The following MCTP2 variants were observed in gnomAD, a reference collection of about 807,000 sequenced individuals.
MCTP2 encodes the protein multiple C2 and transmembrane domain containing 2.
In MCTP2, 132 loss-of-function variants were observed where a neutral mutation model predicts 111.6. That is an observed-to-expected ratio of 1.18 (90% CI 1.03 to 1.37). The LOEUF (loss-of-function observed/expected upper bound fraction) is 1.37. Ranked by LOEUF, MCTP2 falls within the 40% of genes most tolerant of loss-of-function variation. The pLI, the probability that MCTP2 is intolerant of heterozygous loss-of-function variation, is 0.00. For synonymous variants in MCTP2, 395 were observed against 387.7 expected (o/e 1.02, Z -0.22); for missense variants, 1,183 against 1,067.9 (o/e 1.11, Z -1.50).
chr15:94,267,435 C>T (rs942697310), intron 1 of MCTP2, among the ~76,000 whole-genome samples: 2 of 151,988 alleles, frequency 1.3e-5, no homozygotes, highest in Non-Finnish European at 2.9e-5. Flanking sequence ...TATATGGACA[C>T]ATCATATTTA....
chr15:94,276,805 A>C (rs1474571964), intron 1 of MCTP2, among the ~76,000 whole-genome samples: 1 of 149,180 alleles, frequency 6.7e-6, no homozygotes, highest in Non-Finnish European at 1.5e-5. Flanking sequence ...GGCAAAATTC[A>C]GCACTTGTCC....
chr15:94,370,813 C>T (rs139998158), intron 12 of MCTP2, among the ~76,000 whole-genome samples: 2 of 152,176 alleles, frequency 1.3e-5, no homozygotes, highest in East Asian at 3.9e-4. Context: ...CAAATTACCC[C>T]CTTCTGCTGA....
At chr15:94,430,050 A>T (rs1464230688) in intron 17 of MCTP2, among the ~76,000 whole-genome samples, 2 of 152,206 alleles carry the variant, frequency 1.3e-5, no homozygotes, top group Non-Finnish European at 2.9e-5. Context: ...TTCCACTGCC[A>T]TCACCTTAAT....
At chr15:94,368,592 T>G (rs1185859263) in intron 11 of MCTP2, among the ~76,000 whole-genome samples, 2 of 151,934 alleles carry the variant, frequency 1.3e-5, no homozygotes, top group Non-Finnish European at 2.9e-5. Flanking sequence ...GATGTATTGA[T>G]TAATTGAATA....
chr15:94,375,963 G>A (rs1196935981), intron 12 of MCTP2, among the ~76,000 whole-genome samples: 1 of 152,096 alleles, frequency 6.6e-6, no homozygotes, highest in East Asian at 1.9e-4. Context: ...GGGCAGTTCT[G>A]GTAATCGACC....
chr15:94,475,882 G>T (rs1377975389), intron 21 of MCTP2, among the ~76,000 whole-genome samples: 1 of 150,794 alleles, frequency 6.6e-6, no homozygotes, highest in East Asian at 2.0e-4. Flanking sequence ...AAGAGGGACG[G>T]TCTATAGGAT....
intron 17 of MCTP2, among the ~76,000 whole-genome samples, chr15:94,436,844 G>A (rs1228016383): frequency 2.0e-5 from 3 of 150,384 alleles, no homozygotes; most frequent in Admixed American, 1.3e-4. Flanking sequence ...CCACCATTGA[G>A]TATGCCGTTA....
intron 1 of MCTP2, among the ~76,000 whole-genome samples, chr15:94,275,707 T>C (rs1425893669): frequency 2.6e-5 from 4 of 152,098 alleles, no homozygotes; most frequent in Non-Finnish European, 5.9e-5. Context: ...AAATCTTAAA[T>C]CAACTTAAAT....
At chr15:94,375,642 T>A (rs1482445764) in intron 12 of MCTP2, among the ~76,000 whole-genome samples, 1 of 152,204 alleles carries the variant, frequency 6.6e-6, no homozygotes, top group Non-Finnish European at 1.5e-5. Flanking sequence ...ATCCTCTTGA[T>A]ATCTTGGTAA....
chr15:94,404,115 G>A (rs557345253), intron 17 of MCTP2, among the ~76,000 whole-genome samples: 4 of 152,220 alleles, frequency 2.6e-5, no homozygotes, highest in Admixed American at 1.3e-4. Flanking sequence ...CAGAAATACC[G>A]CAGCCATAAC....
chr15:94,358,649 T>G (rs1389857585), intron 10 of MCTP2, 37 bp downstream of exon 10: 1 of 1,609,628 alleles, frequency 6.2e-7, no homozygotes, highest in Admixed American at 1.7e-5. Flanking sequence ...GGGAGCATGT[T>G]TCTGCATGGG....
intron 10 of MCTP2, among the ~76,000 whole-genome samples, chr15:94,361,688 A>G (rs1282934936): frequency 1.3e-5 from 2 of 152,224 alleles, no homozygotes; most frequent in South Asian, 2.1e-4. Context: ...GTAAAATTCA[A>G]TGTATTTTTT....
chr15:94,391,449 C>G (rs761622022), intron 14 of MCTP2, among the ~76,000 whole-genome samples: 2 of 152,008 alleles, frequency 1.3e-5, no homozygotes, highest in Non-Finnish European at 2.9e-5. Context: ...TTTGGTTTTC[C>G]AGGGCATAGA....
At chr15:94,234,497 G>A (rs1390378482) in intron 1 of MCTP2, among the ~76,000 whole-genome samples, 1 of 152,170 alleles carries the variant, frequency 6.6e-6, no homozygotes, top group Non-Finnish European at 1.5e-5. Flanking sequence ...CCCTGCTAGT[G>A]AGAAGCCCAA....
rs76672387 is a variant in MCTP2 at position 94,336,722 on chromosome 15, T to A, written c.638-2568T>A. On this transcript the variant is annotated intron_variant, in intron 4 of 22. Transcript: ENST00000357742. ...ATGTATGTGCATATATATGTATGTGTATATTTATGTGCATATATGTGTGTG... is the reference window on the plus strand; with the variant it reads ...ATGTATGTGCATATATATGTATGTGAATATTTATGTGCATATATGTGTGTG... 2.9e-3 allele frequency among the ~76,000 whole-genome samples: 422 copies of A among 144,028 alleles called. 2 individuals carry two copies. Among genetic ancestry groups the A allele is most frequent in the Non-Finnish European group, 4.9e-3 (328 of 66,462 alleles). The allele number at this position is 144,028 out of a possible 152,430, so 94.5% of individuals were successfully genotyped here.
chr15:94,251,742 T>C (rs1309366267), intron 1 of MCTP2, among the ~76,000 whole-genome samples: 2 of 152,162 alleles, frequency 1.3e-5, no homozygotes, highest in Non-Finnish European at 1.5e-5. Flanking sequence ...TCTCCTGAAC[T>C]CTTCATTTTG....
rs142730805 is a variant in MCTP2, at chr15:94,373,593, A to AT, written c.1582+3419dup. On this transcript the variant is annotated intron_variant, in intron 12 of 22. Transcript: ENST00000357742. ...CATTTAAATGTATATTTATCTTGGCATTTTTTAGAGTTTCTGACATTTGTG... is the reference window on the plus strand; with the variant it reads ...CATTTAAATGTATATTTATCTTGGCATTTTTTTAGAGTTTCTGACATTTGTG... Among the ~76,000 whole-genome samples the AT allele has an allele frequency of 6.4e-3, 974 of 152,236 alleles. 3 individuals are homozygous for AT. The highest frequency in any genetic ancestry group is 0.011 in the Non-Finnish European group (739 of 67,998).
Position 94,481,648 on chromosome 15 carries a change from C to T in MCTP2, c.*2614C>T, listed in dbSNP as rs1346275876. ...CCTGCCCCAAAGAGGCTTAGTTAGT[C>T]CTGTGGCTGGATGTGACTCCAACTT... On this transcript the variant is annotated 3_prime_UTR_variant, in exon 23 of 23. Coordinates refer to ENST00000357742, the MANE Select transcript of MCTP2 (RefSeq NM_001385001.1). The T allele has an allele frequency of 1.3e-5, 2 of 152,298 alleles. No individual in the cohort carries two copies. The highest frequency in any genetic ancestry group is 4.8e-5 in the African/African-American group (2 of 41,476). The allele number at this position is 152,298 out of a possible 1,614,324, so 9.4% of individuals were successfully genotyped here.
chr15:94,455,305 A>G (rs2084750602), intron 19 of MCTP2, among the ~76,000 whole-genome samples: 1 of 152,268 alleles, frequency 6.6e-6, no homozygotes. Flanking sequence ...ATAAAAATAC[A>G]GTGCCTTTGA....
Sources: gnomAD v4.1 joint callset for allele counts (sites outside exome capture counted in the v4.1 genomes callset) on GRCh38, gnomAD v4.1.1 for gene constraint, MANE v1.5 for transcripts, NCBI Gene and HGNC (gene_info 2026-07-23, HGNC 2026-07-21) for gene names.